SLC13A2: variants seen among roughly 807,000 people sequenced by gnomAD.
SLC13A2 encodes Na(+)-coupled citrate transporter.
In SLC13A2, 40 loss-of-function variants were observed where a neutral mutation model predicts 58.5. The observed-to-expected ratio is 0.68, with a 90% confidence interval of 0.53 to 0.89. SLC13A2 has a LOEUF of 0.89. SLC13A2 is among the 40% of genes least tolerant of loss of function. The pLI is 0.00. For missense variants in SLC13A2, 694 were observed against 772.6 expected (o/e 0.90, Z 1.21); for synonymous variants, 341 against 331.6 (o/e 1.03, Z -0.31).
At chr17:28,480,568 C>T (rs1407561353) in intron 1 of SLC13A2, among the ~76,000 whole-genome samples, 5 of 152,112 alleles carry the variant, frequency 3.3e-5, no homozygotes, top group East Asian at 1.9e-4. Context: ...CATTCAGCAG[C>T]GTGTACTGCC....
At chr17:28,489,662 C>T (rs1555602759) in intron 2 of SLC13A2, among the ~76,000 whole-genome samples, 1 of 152,222 alleles carries the variant, frequency 6.6e-6, no homozygotes, top group Non-Finnish European at 1.5e-5. Flanking sequence ...GGCTCTTGAA[C>T]TTGAACAGCA....
chr17:28,496,310 G>T lies in SLC13A2; in HGVS notation c.1471-140G>T. 8.7e-7 allele frequency: 1 copy of T among 1,146,088 alleles called. No homozygotes were observed. Among genetic ancestry groups the T allele is most frequent in the Non-Finnish European group, 1.2e-6 (1 of 837,036 alleles). 71.0% of individuals were successfully genotyped at this position (1,146,088 alleles called of 1,614,324 possible). On this transcript the variant is annotated intron_variant, in intron 10 of 11. Coordinates refer to ENST00000314669, the MANE Select transcript of SLC13A2 (RefSeq NM_003984.4). The surrounding 1 kb of genome is among the most constrained non-coding windows in gnomAD (Gnocchi z 4.2). ...CTTCCAGGTCACCCAGTGCCTTCTGGGAGAAGAGGTGGGCTCATGACCAGA... is the reference window on the plus strand; with the variant it reads ...CTTCCAGGTCACCCAGTGCCTTCTGTGAGAAGAGGTGGGCTCATGACCAGA...
At chr17:28,476,017 G>A (rs1485570469) in intron 1 of SLC13A2, among the ~76,000 whole-genome samples, 1 of 152,130 alleles carries the variant, frequency 6.6e-6, no homozygotes, top group African/African-American at 2.4e-5. Flanking sequence ...GGATAAGCAG[G>A]TTACACTTTT....
intron 1 of SLC13A2, among the ~76,000 whole-genome samples, chr17:28,475,609 CTT>C (rs2068657736): frequency 6.6e-6 from 1 of 152,226 alleles, no homozygotes; most frequent in South Asian, 2.1e-4. Flanking sequence ...CGCACTTTCT[CTT>C]TTGTCAGCTC....
In SLC13A2 at chr17:28,494,984, C is replaced by T. The variant is rs1555604369; in HGVS notation, c.1308+472C>T. On this transcript the variant is annotated intron_variant, in intron 9 of 11. Transcript: ENST00000314669. The surrounding 1 kb of genome is among the most constrained non-coding windows in gnomAD (Gnocchi z 4.0). ...AGAGGGAAATCCCTGACACGGCATC[C>T]CTGGGCCTCCGTGTTCTGGCTCAAA... Among the ~76,000 whole-genome samples the T allele has an allele frequency of 6.6e-6, 1 of 152,158 alleles. No homozygotes were observed. Among genetic ancestry groups the T allele is most frequent in the Non-Finnish European group, 1.5e-5 (1 of 68,010 alleles).
rs782772161 is a variant in SLC13A2, at chr17:28,491,782, G to A, written c.808G>A (p.Ala270Thr). 7 of 1,614,130 alleles carry A rather than the reference G, an allele frequency of 4.3e-6. No homozygotes were observed. The highest frequency in any genetic ancestry group is 1.7e-5 in the Admixed American group (1 of 60,022). ...GAACTTCGCCTCCTGGTTCAGCTTC[G>A]CCTTCCCCACCATGGTCATCTTGCT... ...VVNFASWFSFAFPTMVILLLL... is the reference protein window; with the variant it reads ...VVNFASWFSFTFPTMVILLLL... The change falls in exon 6 of 12, where the codon GCC (alanine) becomes ACC (threonine). Residue 270 changes from alanine to threonine, a missense_variant. Transcript: ENST00000314669.
intron 1 of SLC13A2, among the ~76,000 whole-genome samples, chr17:28,481,595 T>C (rs995227919): frequency 2.0e-4 from 31 of 152,132 alleles, no homozygotes; most frequent in Non-Finnish European, 5.9e-5. Flanking sequence ...AGTAAAGAGT[T>C]TGGGGCAAAA....
intron 1 of SLC13A2, among the ~76,000 whole-genome samples, chr17:28,487,999 CT>C (rs797027241): frequency 6.6e-6 from 1 of 152,042 alleles, no homozygotes; most frequent in Non-Finnish European, 1.5e-5. Context: ...GGCTCTGCCA[CT>C]TTTTTTTAAT....
intron 6 of SLC13A2, among the ~76,000 whole-genome samples, 167 bp from the exon 7 acceptor site, chr17:28,493,404 A>G (rs2069066565): frequency 6.6e-6 from 1 of 152,186 alleles, no homozygotes; most frequent in Non-Finnish European, 1.5e-5. Context: ...TATGGCCTCT[A>G]AAAGTCTTCT....
chr17:28,482,236 AG>A (rs766237682), intron 1 of SLC13A2, among the ~76,000 whole-genome samples: 105 of 151,628 alleles, frequency 6.9e-4, no homozygotes, highest in Non-Finnish European at 1.2e-3. Flanking sequence ...TACTTTTAGT[AG>A]AGACAGTGTT....
chr17:28,489,377 A>G (rs782547101), intron 2 of SLC13A2, 35 bp downstream of exon 2: 3 of 1,583,472 alleles, frequency 1.9e-6, no homozygotes, highest in South Asian at 2.3e-5. Context: ...CGTTCTGGGC[A>G]GTGCGGGAGG....
rs782167743 is a variant in SLC13A2, at chr17:28,494,547, G to A, written c.1308+35G>A. The A allele has an allele frequency of 1.1e-4, 174 of 1,612,830 alleles. No individual in the cohort carries two copies. Among genetic ancestry groups the A allele is most frequent in the Middle Eastern group, 1.6e-4 (1 of 6,070 alleles). The stretch of plus-strand genomic sequence containing the variant: ...CCCCAGCCCCCTCCTCAGCCTGTGT[G>A]AGGGTGTCTCTGTGGCAGGGAGAGA... On this transcript the variant is annotated intron_variant, in intron 9 of 11. Transcript: ENST00000314669. The surrounding 1 kb of genome is among the most constrained non-coding windows in gnomAD (Gnocchi z 4.0).
intron 1 of SLC13A2, among the ~76,000 whole-genome samples, chr17:28,484,568 G>A (rs1555601685): frequency 6.6e-6 from 1 of 152,208 alleles, no homozygotes; most frequent in Non-Finnish European, 1.5e-5. Context: ...GAGCTGTTTT[G>A]AGATGAGTGT....
intron 6 of SLC13A2, among the ~76,000 whole-genome samples, chr17:28,492,271 C>T (rs1555603682): frequency 1.3e-5 from 2 of 152,128 alleles, no homozygotes; most frequent in African/African-American, 4.8e-5. Context: ...GGGCACAGTC[C>T]CTGTCCTTGT....
At chr17:28,474,384 C>A (rs2068636918) in intron 1 of SLC13A2, among the ~76,000 whole-genome samples, 1 of 152,094 alleles carries the variant, frequency 6.6e-6, no homozygotes, top group Non-Finnish European at 1.5e-5. Flanking sequence ...AAAAACTGTG[C>A]CCTGGATGGA....
In SLC13A2 at chr17:28,493,624, C is replaced by T. The variant is rs1555603953; in HGVS notation, c.932C>T (p.Ala311Val). Residue 311 changes from alanine to valine, a missense_variant, in exon 7 of 12, where the codon GCC (alanine) becomes GTC (valine). Transcript: ENST00000314669. The part of the protein sequence containing the change: ...GEKMQEQQQA[A>V]YCVIQTEHRL... ...AAGATGCAGGAGCAACAGCAGGCAG[C>T]CTACTGCGTCATCCAGACCGAGCAC... The T allele has an allele frequency of 6.2e-7, 1 of 1,613,340 alleles. No homozygotes were observed. Among genetic ancestry groups the T allele is most frequent in the South Asian group, 1.1e-5 (1 of 91,030 alleles).
chr17:28,496,653 C>T lies in SLC13A2; in HGVS notation c.1608+66C>T. 1 of 1,549,484 alleles carries T rather than the reference C, an allele frequency of 6.5e-7. No individual in the cohort carries two copies. Among genetic ancestry groups the T allele is most frequent in the Non-Finnish European group, 8.8e-7 (1 of 1,141,334 alleles). ...TGCTCTGACTTTTCATCTTAGTGAA[C>T]CACAAAGCAGCTTAAAGCCACTGAG... is the stretch of plus-strand genomic sequence containing the variant. On this transcript the variant is annotated intron_variant, in intron 11 of 11. Coordinates refer to ENST00000314669, the MANE Select transcript of SLC13A2 (RefSeq NM_003984.4). This position sits in a 1 kb window ranked among gnomAD's most constrained non-coding sequence, Gnocchi z 4.2.
At chr17:28,481,618 G>A (rs952622071) in intron 1 of SLC13A2, among the ~76,000 whole-genome samples, 1 of 152,170 alleles carries the variant, frequency 6.6e-6, no homozygotes, top group Non-Finnish European at 1.5e-5. Flanking sequence ...CAGGGGAATT[G>A]GCAATCATCG....
chr17:28,494,081 T>C lies in SLC13A2; in HGVS notation c.1162T>C (p.Phe388Leu). 6.2e-7 allele frequency: 1 copy of C among 1,613,920 alleles called. No individual in the cohort carries two copies. Among genetic ancestry groups the C allele is most frequent in the African/African-American group, 1.3e-5 (1 of 74,984 alleles). The change falls in exon 8 of 12, where the codon TTC becomes CTC. Residue 388 changes from phenylalanine (F) to leucine (L), a missense_variant. Phe to Leu is a conservative substitution (Grantham distance 22). Transcript: ENST00000314669. The surrounding 1 kb of genome is among the most constrained non-coding windows in gnomAD (Gnocchi z 4.0). Reference protein sequence around the residue: ...GIIMFIIPSKFPGLTQDPENP... With the variant: ...GIIMFIIPSKLPGLTQDPENP... ...AATTATGTTCATCATACCCTCCAAGTTCCCAGGGCTGACCCAGGACCCAGG... is the reference window on the plus strand; with the variant it reads ...AATTATGTTCATCATACCCTCCAAGCTCCCAGGGCTGACCCAGGACCCAGG...
Sources: gnomAD v4.1 joint callset for allele counts (sites outside exome capture counted in the v4.1 genomes callset) on GRCh38, gnomAD v4.1.1 for gene constraint, Gnocchi (gnomAD v3.1) non-coding constraint, MANE v1.5 for transcripts, NCBI Gene and HGNC (gene_info 2026-07-23, HGNC 2026-07-21) for gene names.